The following ROBO1 variants were observed in gnomAD, a reference collection of about 807,000 sequenced individuals.
The protein encoded by ROBO1 is roundabout homolog 1.
Under a neutral mutation model 195.9 loss-of-function variants are expected in ROBO1, and 149 were observed. The ratio of observed to expected loss-of-function variants is 0.76; its 90% CI spans 0.67 to 0.87. The LOEUF is 0.87. Ranked by LOEUF, ROBO1 falls within the 40% of genes least tolerant of loss-of-function variation. The pLI is 0.00. For synonymous variants in ROBO1, 816 were observed against 733.2 expected (o/e 1.11, Z -1.82); for missense variants, 1,933 against 2,068.3 (o/e 0.93, Z 1.27).
chr3:79,004,204 T>G (rs1291968875), intron 3 of ROBO1, among the ~76,000 whole-genome samples: 2 of 152,202 alleles, frequency 1.3e-5, no homozygotes. Flanking sequence ...CTTTTGATTT[T>G]TTTTTAAACA....
At chr3:79,156,431 T>C (rs2080859491) in intron 2 of ROBO1, among the ~76,000 whole-genome samples, 1 of 151,804 alleles carries the variant, frequency 6.6e-6, no homozygotes, top group African/African-American at 2.4e-5. Flanking sequence ...TTTCACATTG[T>C]TACATAATAA....
intron 2 of ROBO1, among the ~76,000 whole-genome samples, chr3:79,486,977 G>A (rs1939191997): frequency 6.6e-6 from 1 of 151,926 alleles, no homozygotes; most frequent in African/African-American, 2.4e-5. Flanking sequence ...CTACTAACTG[G>A]CCTTTATCTG....
chr3:79,610,763 G>T (rs1038389293), intron 1 of ROBO1, among the ~76,000 whole-genome samples: 1 of 151,986 alleles, frequency 6.6e-6, no homozygotes, highest in African/African-American at 2.4e-5. Context: ...ACATGAAGAG[G>T]AATTGAAGAA....
chr3:79,553,175 G>A (rs951130017), intron 2 of ROBO1, among the ~76,000 whole-genome samples: 4 of 151,794 alleles, frequency 2.6e-5, no homozygotes, highest in Admixed American at 6.6e-5. Flanking sequence ...AGTGAGATTC[G>A]ACACCTCCAT....
intron 4 of ROBO1, among the ~76,000 whole-genome samples, chr3:78,846,971 A>C (rs1010457271): frequency 6.6e-6 from 1 of 152,164 alleles, no homozygotes; most frequent in South Asian, 2.1e-4. Context: ...CAGCTGCTAC[A>C]GCTGGCCTGC....
Position 78,598,152 on chromosome 3 carries a change from G to T in ROBO1, c.*761C>A, listed in dbSNP as rs1702948848. The T allele has an allele frequency of 6.6e-6, 1 of 152,464 alleles. No individual in the cohort carries two copies. Among genetic ancestry groups the T allele is most frequent in the South Asian group, 2.1e-4 (1 of 4,824 alleles). The allele number at this position is 152,464 out of a possible 1,614,324, so 9.4% of individuals were successfully genotyped here. A position where few individuals can be genotyped will look rare whatever the true frequency, so the allele number is the denominator to read the frequency against. ...TACGTATTTATAATTACTTTTTGAT[G>T]ATTGAAAAATAGAACAAGGTTTTAC... On this transcript the variant is annotated 3_prime_UTR_variant, in exon 31 of 31. Coordinates refer to ENST00000464233, the MANE Select transcript of ROBO1 (RefSeq NM_002941.4).
Position 78,668,522 on chromosome 3 carries a change from C to G in ROBO1, c.1592G>C (p.Ser531Thr). The G allele has an allele frequency of 6.2e-7, 1 of 1,613,838 alleles. No individual in the cohort carries two copies. The highest frequency in any genetic ancestry group is 1.1e-5 in the South Asian group (1 of 91,076). Reference sequence around the variant, plus strand: ...GTAAGCACTCCATGTTGCTTCACCACTGGGGGTTGATGCAATGCAGGTGTA... The same window carrying G: ...GTAAGCACTCCATGTTGCTTCACCAGTGGGGGTTGATGCAATGCAGGTGTA... ...GRYTCIASTP[S>T]GEATWSAYIE... The change falls in exon 12 of 31, where the codon AGT becomes ACT. Residue 531 changes from serine to threonine, a missense_variant. Physicochemically the swap from Ser to Thr is moderately conservative, Grantham distance 58. Around this residue, in one of 3 missense-constraint regions of ROBO1, gnomAD observed 1,737 missense variants for 1,882.5 expected, o/e 0.92. Transcript: ENST00000464233.
At chr3:79,047,091 T>C (rs1453874359) in intron 3 of ROBO1, among the ~76,000 whole-genome samples, 2 of 152,062 alleles carry the variant, frequency 1.3e-5, no homozygotes, top group African/African-American at 4.8e-5. Flanking sequence ...TAAATTGCCT[T>C]GAACAGACTT....
intron 1 of ROBO1, among the ~76,000 whole-genome samples, chr3:79,702,771 GT>G (rs1947656182): frequency 6.6e-6 from 1 of 151,944 alleles, no homozygotes; most frequent in Non-Finnish European, 1.5e-5. Context: ...TGTATTGTCA[GT>G]GGTGTAATAG....
intron 10 of ROBO1, among the ~76,000 whole-genome samples, chr3:78,676,166 A>T (rs1272061071): frequency 1.3e-5 from 2 of 152,142 alleles, no homozygotes; most frequent in East Asian, 3.9e-4. Flanking sequence ...CACACCAAAA[A>T]CCCATCTATA....
intron 1 of ROBO1, among the ~76,000 whole-genome samples, chr3:79,623,968 A>G (rs1422726724): frequency 6.6e-6 from 1 of 152,252 alleles, no homozygotes; most frequent in Non-Finnish European, 1.5e-5. Context: ...TCACCTACAA[A>G]GGGAAGCTCA....
chr3:79,123,267 A>G (rs1444229854), intron 3 of ROBO1, among the ~76,000 whole-genome samples: 1 of 151,956 alleles, frequency 6.6e-6, no homozygotes, highest in Non-Finnish European at 1.5e-5. Context: ...CTCTAATATA[A>G]AGGTTCTATC....
At chr3:79,218,902 C>A (rs1212542537) in intron 2 of ROBO1, among the ~76,000 whole-genome samples, 1 of 151,808 alleles carries the variant, frequency 6.6e-6, no homozygotes, top group Non-Finnish European at 1.5e-5. Context: ...ATTTATAGAT[C>A]AAGAATTGTC....
intron 3 of ROBO1, among the ~76,000 whole-genome samples, chr3:79,042,618 A>C (rs557506984): frequency 6.6e-6 from 1 of 152,300 alleles, no homozygotes; most frequent in Non-Finnish European, 1.5e-5. Flanking sequence ...GTAATCCTGC[A>C]GAGAGTTTCA....
intron 26 of ROBO1, among the ~76,000 whole-genome samples, chr3:78,625,320 A>G (rs1704697274): frequency 6.6e-6 from 1 of 152,242 alleles, no homozygotes; most frequent in Non-Finnish European, 1.5e-5. Context: ...TGATTTCAAA[A>G]TGACAAAGGT....
intron 3 of ROBO1, among the ~76,000 whole-genome samples, chr3:79,058,388 G>A (rs560678046): frequency 6.6e-6 from 1 of 152,092 alleles, no homozygotes; most frequent in East Asian, 1.9e-4. Flanking sequence ...GGAAGATAAA[G>A]GCATTACCTC....
intron 2 of ROBO1, among the ~76,000 whole-genome samples, chr3:79,381,411 C>T (rs2036573976): frequency 6.8e-6 from 1 of 146,352 alleles, no homozygotes; most frequent in Admixed American, 6.8e-5. Context: ...AAGAAATGCT[C>T]ATTATAAGCC....
chr3:78,744,282 A>G (rs2082603172), intron 5 of ROBO1, among the ~76,000 whole-genome samples: 1 of 152,140 alleles, frequency 6.6e-6, no homozygotes, highest in Admixed American at 6.6e-5. Flanking sequence ...TAGTATATTC[A>G]GAATCTAGCC....
At position 78,930,802 on chromosome 3, in the gene ROBO1, C is replaced by T. The variant is rs187095332; in HGVS notation, c.499+7799G>A. Among the ~76,000 whole-genome samples the T allele has an allele frequency of 2.0e-5, 3 of 152,230 alleles. 1 individual carries two copies. The East Asian group carries it at 5.8e-4, about 29-fold the overall frequency. On this transcript the variant is annotated intron_variant, in intron 4 of 30. Coordinates refer to ENST00000464233, the MANE Select transcript of ROBO1 (RefSeq NM_002941.4). ...CTAGAATAGCCTCCTAATTGATGTC[C>T]TCTGACTATTATGCAACTCATTCTC...
Sources: gnomAD v4.1 joint callset for allele counts (sites outside exome capture counted in the v4.1 genomes callset) on GRCh38, gnomAD v4.1.1 for gene constraint, gnomAD v4.1.1 regional missense constraint, MANE v1.5 for transcripts, NCBI Gene and HGNC (gene_info 2026-07-23, HGNC 2026-07-21) for gene names.